The following EPN2 variants were observed in gnomAD, a reference collection of about 807,000 sequenced individuals.
The protein encoded by EPN2 is epsin-2.
In EPN2, 34 loss-of-function variants were observed where a neutral mutation model predicts 61.7. The ratio of observed to expected loss-of-function variants is 0.55; its 90% CI spans 0.42 to 0.73. EPN2 has a LOEUF of 0.73. Ranked by LOEUF, EPN2 falls within the 30% of genes least tolerant of loss-of-function variation. The pLI is 0.00. For synonymous variants in EPN2, 349 were observed against 353.6 expected (o/e 0.99, Z 0.15); for missense variants, 714 against 839.2 (o/e 0.85, Z 1.84).
chr17:19,283,710 T>C lies in EPN2; in HGVS notation c.591T>C (p.His197=). ...GKAGGSPASY[H]GSPEASLCPQ... ...CCGGGGGCTCCCCGGCCTCCTACCA[T>C]GGCTGTGAGTAATGGAAGTGCTTCT... Residue 197 remains histidine (H), a synonymous_variant, in exon 3 of 11, where the codon CAT becomes CAC. Coordinates refer to ENST00000314728, the MANE Select transcript of EPN2 (RefSeq NM_014964.5). This position sits in a 1 kb window ranked among gnomAD's most constrained non-coding sequence, Gnocchi z 7.0. 3.2e-6 allele frequency: 5 copies of C among 1,578,072 alleles called. No homozygotes were observed. Among genetic ancestry groups the C allele is most frequent in the Non-Finnish European group, 4.3e-6 (5 of 1,163,302 alleles).
chr17:19,289,442 G>A (rs949630404), intron 4 of EPN2, among the ~76,000 whole-genome samples: 2 of 152,094 alleles, frequency 1.3e-5, no homozygotes, highest in African/African-American at 4.8e-5. Flanking sequence ...TGGGCAGAGT[G>A]AGAGGGGAGC....
At chr17:19,275,659 C>G (rs1465763098) in intron 1 of EPN2, among the ~76,000 whole-genome samples, 1 of 152,172 alleles carries the variant, frequency 6.6e-6, no homozygotes, top group African/African-American at 2.4e-5. Flanking sequence ...GGTCTGAGTC[C>G]TGGGCCTACT....
At chr17:19,329,458 G>A in intron 8 of EPN2, 103 bp from the exon 9 acceptor site, 2 of 675,990 alleles carry the variant, frequency 3.0e-6, no homozygotes, top group South Asian at 2.1e-5. Flanking sequence ...TAAGCGGGGA[G>A]AGGCCCCTGT....
intron 4 of EPN2, among the ~76,000 whole-genome samples, chr17:19,293,112 C>T (rs1293461356): frequency 6.6e-6 from 1 of 151,982 alleles, no homozygotes. Flanking sequence ...GGCAGGGTGG[C>T]TCACGCCTGT....
intron 1 of EPN2, among the ~76,000 whole-genome samples, chr17:19,239,077 G>A (rs1194737794): frequency 6.6e-6 from 1 of 152,248 alleles, no homozygotes; most frequent in African/African-American, 2.4e-5. Context: ...ATTTGCTTCT[G>A]AATGGTACTT....
chr17:19,292,015 A>G (rs1250117573), intron 4 of EPN2, among the ~76,000 whole-genome samples: 2 of 152,210 alleles, frequency 1.3e-5, no homozygotes, highest in African/African-American at 4.8e-5. Context: ...TTTTGGTAAG[A>G]AGGAGGCATC....
chr17:19,241,829 G>A (rs756326039), intron 1 of EPN2, among the ~76,000 whole-genome samples: 1 of 152,150 alleles, frequency 6.6e-6, no homozygotes, highest in South Asian at 2.1e-4. Flanking sequence ...GAGAGGTTAA[G>A]TAAGCTGTGA....
intron 4 of EPN2, among the ~76,000 whole-genome samples, chr17:19,308,825 A>G (rs2152230495): frequency 6.6e-6 from 1 of 152,304 alleles, no homozygotes; most frequent in South Asian, 2.1e-4. Flanking sequence ...TGATCGTGAA[A>G]CATCCTGATG....
intron 8 of EPN2, 77 bp from the exon 9 acceptor site, chr17:19,329,484 A>T: frequency 1.2e-6 from 1 of 825,784 alleles, no homozygotes; most frequent in African/African-American, 1.7e-5. Context: ...GCCCATCCTG[A>T]GGGTGTGCAC....
chr17:19,266,404 TA>T lies in EPN2; in HGVS notation c.-293-15550del, dbSNP rs1567847707. 4.1e-4 allele frequency among the ~76,000 whole-genome samples: 62 copies of T among 149,840 alleles called. No homozygotes were observed. The South Asian group carries it at 0.013, about 32-fold the overall frequency. ...TCCATCTCAACATTATTATTTATTT[TA>T]TTTTTTTTTTTTTTTGAGACGGAGT... On this transcript the variant is annotated intron_variant, in intron 1 of 10. Transcript: ENST00000314728.
intron 1 of EPN2, among the ~76,000 whole-genome samples, chr17:19,246,488 T>C (rs1221722270): frequency 2.6e-5 from 4 of 152,144 alleles, no homozygotes; most frequent in Admixed American, 6.6e-5. Flanking sequence ...TGTGAGCATT[T>C]TCCCAAGGTT....
chr17:19,279,499 C>T (rs1299451298), intron 1 of EPN2, among the ~76,000 whole-genome samples: 7 of 151,140 alleles, frequency 4.6e-5, no homozygotes, highest in African/African-American at 7.3e-5. Context: ...AGTGCAGTGG[C>T]GCAATCTCAG....
At chr17:19,241,188 T>A (rs2044880625) in intron 1 of EPN2, among the ~76,000 whole-genome samples, 1 of 151,610 alleles carries the variant, frequency 6.6e-6, no homozygotes, top group Admixed American at 6.6e-5. Flanking sequence ...CTGAGGGAGG[T>A]GGGGTGATAT....
rs80078595 is a variant in EPN2 at position 19,276,773 on chromosome 17, G to GTTTTTTTTTTTTTTTTTTTTTTTT, written c.-293-5164_-293-5163insTTTTTTTTTTTTTTTTTTTTTTTT. 4.2e-4 allele frequency among the ~76,000 whole-genome samples: 50 copies of GTTTTTTTTTTTTTTTTTTTTTTTT among 119,304 alleles called. 4 individuals carry two copies. The highest frequency in any genetic ancestry group is 1.7e-3 in the East Asian group (7 of 4,058). 78.3% of individuals were successfully genotyped at this position (119,304 alleles called of 152,430 possible). A position where few individuals can be genotyped will look rare whatever the true frequency, so the allele number is the denominator to read the frequency against. ...GTCAGTATGTAATTTATGAGAATAA[G>GTTTTTTTTTTTTTTTTTTTTTTTT]TTTTTTTTTTTTTTTTTTGCTGTAT... On this transcript the variant is annotated intron_variant, in intron 1 of 10. Coordinates refer to ENST00000314728, the MANE Select transcript of EPN2 (RefSeq NM_014964.5).
At position 19,328,774 on chromosome 17, in the gene EPN2, T is replaced by C; in HGVS notation, c.1211T>C (p.Val404Ala). The change falls in exon 8 of 11, where the codon GTC becomes GCC. Residue 404 changes from valine to alanine, a missense_variant. This residue lies in a region of EPN2 where 410 missense variants were observed against 421.8 expected (regional missense o/e 0.97). Coordinates refer to ENST00000314728, the MANE Select transcript of EPN2 (RefSeq NM_014964.5). ...CCCACTGGAGCCACCGTACAATCTG[T>C]CCCCAAGAACTCGGACCCCTGGGCA... The part of the protein sequence containing the change: ...GVPTGATVQS[V>A]PKNSDPWAAS... The C allele has an allele frequency of 6.2e-7, 1 of 1,613,490 alleles. No homozygotes were observed. Among genetic ancestry groups the C allele is most frequent in the Non-Finnish European group, 8.5e-7 (1 of 1,179,610 alleles).
At chr17:19,306,292 G>A (rs769799240) in intron 4 of EPN2, 1 of 152,258 alleles carries the variant, frequency 6.6e-6, no homozygotes, top group Non-Finnish European at 1.5e-5. Context: ...GGGCACAAGA[G>A]GCCCTTTGTG....
At position 19,313,116 on chromosome 17, in the gene EPN2, C is replaced by T. The variant is rs1457602383; in HGVS notation, c.984C>T (p.Leu328=). Residue 328 remains leucine, a synonymous_variant, in exon 7 of 11, where the codon CTC becomes CTT. Coordinates refer to ENST00000314728, the MANE Select transcript of EPN2 (RefSeq NM_014964.5). ...KIPKKKEHGS[L]PQQTTLLDLM... is the part of the protein sequence containing the mutation. ...CTTTGTCTTAAAAGCATGGCTCTCTCCCACAGCAGACTACGCTGTTGGATT... is the reference window on the plus strand; with the variant it reads ...CTTTGTCTTAAAAGCATGGCTCTCTTCCACAGCAGACTACGCTGTTGGATT... 6.2e-7 allele frequency: 1 copy of T among 1,613,756 alleles called. No individual in the cohort carries two copies. The highest frequency in any genetic ancestry group is 8.5e-7 in the Non-Finnish European group (1 of 1,179,836).
intron 1 of EPN2, among the ~76,000 whole-genome samples, chr17:19,269,836 T>G (rs1473631580): frequency 6.6e-6 from 1 of 152,138 alleles, no homozygotes; most frequent in Non-Finnish European, 1.5e-5. Context: ...AAAGGATCCA[T>G]TATGGCCCAC....
chr17:19,243,072 G>A (rs2044902612), intron 1 of EPN2, among the ~76,000 whole-genome samples: 1 of 152,160 alleles, frequency 6.6e-6, no homozygotes, highest in Admixed American at 6.5e-5. Context: ...TCTCTAAAGG[G>A]GGGCTCGTAA....
Sources: gnomAD v4.1 joint callset for allele counts (sites outside exome capture counted in the v4.1 genomes callset) on GRCh38, gnomAD v4.1.1 for gene constraint, gnomAD v4.1.1 regional missense constraint, Gnocchi (gnomAD v3.1) non-coding constraint, MANE v1.5 for transcripts, NCBI Gene and HGNC (gene_info 2026-07-23, HGNC 2026-07-21) for gene names.